Variants in PGLYRP4 observed in about 807,000 individuals in gnomAD.
PGLYRP4 encodes PGRP-I-beta.
In PGLYRP4, 39 loss-of-function variants were observed where a neutral mutation model predicts 41.2. The ratio of observed to expected loss-of-function variants is 0.95; its 90% confidence interval spans 0.73 to 1.24. The LOEUF (loss-of-function observed/expected upper bound fraction) is 1.24. Among genes scored for constraint, PGLYRP4 ranks in the 50% most tolerant of loss-of-function variants. The pLI is 0.00. For missense variants in PGLYRP4, 467 were observed against 460.7 expected, an observed-to-expected ratio of 1.01 and a Z score of -0.13; for synonymous variants, 202 against 186.8, an observed-to-expected ratio of 1.08 and a Z score of -0.66.
chr1:153,344,188 C>T (rs558935736), intron 4 of PGLYRP4, among the ~76,000 whole-genome samples: 28 of 152,326 alleles, frequency 1.8e-4, no homozygotes, highest in African/African-American at 6.5e-4. Flanking sequence ...GGCCAAAAGC[C>T]TCTCTCAGTT....
At position 153,340,369 on chromosome 1, in the gene PGLYRP4, A is replaced by G. The variant is rs1054835022; in HGVS notation, c.824+12T>C. 11 of 1,612,740 alleles carry G rather than the reference A, an allele frequency of 6.8e-6. No individual in the cohort carries two copies. Among genetic ancestry groups the G allele is most frequent in the Non-Finnish European group, 9.3e-6 (11 of 1,178,752 alleles). On this transcript the variant is annotated intron_variant, in intron 7 of 8. Transcript: ENST00000359650. Reference sequence around the variant, plus strand: ...AAGGGAAAAGAAGCCCAGTGTACCCAGACCCACTCACTTATAACCAATGTC... The same window carrying G: ...AAGGGAAAAGAAGCCCAGTGTACCCGGACCCACTCACTTATAACCAATGTC...
intron 6 of PGLYRP4, among the ~76,000 whole-genome samples, chr1:153,341,221 A>G (rs1242182246): frequency 6.6e-6 from 1 of 152,218 alleles, no homozygotes; most frequent in East Asian, 1.9e-4. Context: ...TTTTCTCCAT[A>G]TAACATCCCA....
At chr1:153,345,437 G>T in intron 3 of PGLYRP4, 55 bp from the exon 4 acceptor site, 1 of 1,503,364 alleles carries the variant, frequency 6.7e-7, no homozygotes, top group Non-Finnish European at 9.2e-7. Context: ...AGCCCGCCAA[G>T]CTGAACATGC....
At position 153,346,477 on chromosome 1, in the gene PGLYRP4, G is replaced by GAAA. The variant is rs1557832466; in HGVS notation, c.50-287_50-286insTTT. ...CTGTATCTACACACACAATTGGCGG[G>GAAA]GAAAAAAAAAAAACTAGAAATGTAT... On this transcript the variant is annotated intron_variant, in intron 2 of 8. Transcript: ENST00000359650. Among the ~76,000 whole-genome samples the GAAA allele has an allele frequency of 1.5e-4, 13 of 87,906 alleles. No individual in the cohort carries two copies. In the East Asian group the frequency reaches 3.7e-3, roughly 25 times the overall value. The allele number at this position is 87,906 out of a possible 152,430, so 57.7% of individuals were successfully genotyped here.
rs1191064380 is a variant in PGLYRP4 at position 153,330,777 on chromosome 1, A to G, written c.1112T>C (p.Phe371Ser). 5.6e-6 allele frequency: 9 copies of G among 1,613,108 alleles called. No individual in the cohort carries two copies. Among genetic ancestry groups the G allele is most frequent in the Non-Finnish European group, 7.6e-6 (9 of 1,179,292 alleles). The part of the protein sequence containing the change: ...LYNIISTWPH[F>S]KH ...GACCTGGGGCTTCTCTCAGTGTTTG[A>G]AATGAGGCCAGGTGCTGATGATGTT... Residue 371 changes from phenylalanine to serine, a missense_variant, in exon 9 of 9, where the codon TTC becomes TCC. Transcript: ENST00000359650.
Position 153,340,584 on chromosome 1 carries a change from G to A in PGLYRP4, c.626-5C>T, listed in dbSNP as rs1187284738. 1 of 1,613,244 alleles carries A rather than the reference G, an allele frequency of 6.2e-7. No individual in the cohort carries two copies. The stretch of plus-strand genomic sequence containing the variant: ...GTGGGACAACGCCGGGGCAAGCTGA[G>A]GTGGGGCGAGAAACCACAGAGGGTT... On this transcript the variant is annotated splice_polypyrimidine_tract_variant and splice_region_variant and intron_variant, in intron 6 of 8. Coordinates refer to ENST00000359650, the MANE Select transcript of PGLYRP4 (RefSeq NM_020393.4).
At chr1:153,338,148 G>T (rs1390856210) in intron 7 of PGLYRP4, among the ~76,000 whole-genome samples, 1 of 152,174 alleles carries the variant, frequency 6.6e-6, no homozygotes, top group African/African-American at 2.4e-5. Flanking sequence ...CCATCTTGGT[G>T]AAAGGCATGG....
Position 153,340,387 on chromosome 1 carries a change from C to T in PGLYRP4, c.818G>A (p.Gly273Asp). 1 of 1,614,082 alleles carries T rather than the reference C, an allele frequency of 6.2e-7. No individual in the cohort carries two copies. The highest frequency in any genetic ancestry group is 8.5e-7 in the Non-Finnish European group (1 of 1,179,944). ...TGTACCCAGACCCACTCACTTATAA[C>T]CAATGTCGCATGACTTGAGCCTGTC... ...YIDRLKSCDI[G>D]YNFLVGQDGA... The change falls in exon 7 of 9, where the codon GGT becomes GAT. Residue 273 changes from glycine (G) to aspartate (D), a missense_variant. Transcript: ENST00000359650.
At position 153,337,183 on chromosome 1, in the gene PGLYRP4, G is replaced by C. The variant is rs992043275; in HGVS notation, c.941C>G (p.Thr314Arg). The C allele has an allele frequency of 6.3e-7, 1 of 1,599,070 alleles. No homozygotes were observed. Among genetic ancestry groups the C allele is most frequent in the Admixed American group, 1.7e-5 (1 of 59,972 alleles). ...TACTGACCAAAGCATCCACTTACCT[G>C]TGAAGGTGCCCATGAAGGTAATGCC... Reference protein sequence around the residue: ...ALGITFMGTFTGIPPNAAALE... With the variant: ...ALGITFMGTFRGIPPNAAALE... The change falls in exon 8 of 9, where the codon ACA (threonine) becomes AGA (arginine). Residue 314 changes from threonine (T) to arginine (R), a missense_variant and splice_region_variant. Transcript: ENST00000359650.
intron 5 of PGLYRP4, 63 bp from the exon 6 acceptor site, chr1:153,341,842 AAGG>A (rs1335189513): frequency 6.5e-7 from 1 of 1,529,784 alleles, no homozygotes; most frequent in South Asian, 1.2e-5. Context: ...TCTTTTGGGG[AAGG>A]AGAAGATGCT....
At chr1:153,339,556 G>T (rs1291517775) in intron 7 of PGLYRP4, among the ~76,000 whole-genome samples, 1 of 152,156 alleles carries the variant, frequency 6.6e-6, no homozygotes, top group Non-Finnish European at 1.5e-5. Context: ...TTAAAATTTA[G>T]TGTGAATTTT....
chr1:153,340,048 A>G (rs1418799187), intron 7 of PGLYRP4, among the ~76,000 whole-genome samples: 1 of 152,192 alleles, frequency 6.6e-6, no homozygotes, highest in Non-Finnish European at 1.5e-5. Context: ...AACAAAGCAC[A>G]ATCTTTCGAT....
chr1:153,347,823 A>G lies in PGLYRP4; in HGVS notation c.49+61T>C, dbSNP rs372891542. 7.2e-5 allele frequency: 92 copies of G among 1,281,152 alleles called. 1 individual carries two copies. In the East Asian group the frequency reaches 9.0e-4, roughly 12 times the overall value. 79.4% of individuals were successfully genotyped at this position (1,281,152 alleles called of 1,614,324 possible). On this transcript the variant is annotated intron_variant, in intron 2 of 8. Transcript: ENST00000359650. Reference sequence around the variant, plus strand: ...GGACAGTAGGTATTTTTTAATTCCTATTATGAGACTTTAGGATCACCCTTC... The same window carrying G: ...GGACAGTAGGTATTTTTTAATTCCTGTTATGAGACTTTAGGATCACCCTTC...
intron 6 of PGLYRP4, among the ~76,000 whole-genome samples, chr1:153,340,905 CT>C (rs1410748878): frequency 4.6e-5 from 7 of 152,186 alleles, no homozygotes; most frequent in Non-Finnish European, 8.8e-5. Flanking sequence ...AGAGATGAAT[CT>C]TCTTTCAATC....
intron 4 of PGLYRP4, among the ~76,000 whole-genome samples, chr1:153,343,654 T>C (rs1018877616): frequency 2.6e-5 from 4 of 152,154 alleles, no homozygotes; most frequent in Non-Finnish European, 4.4e-5. Context: ...TCCCAAGAAA[T>C]AGCTCCTGAG....
At position 153,340,480 on chromosome 1, in the gene PGLYRP4, G is replaced by A. The variant is rs756580924; in HGVS notation, c.725C>T (p.Ala242Val). 6 of 1,614,174 alleles carry A rather than the reference G, an allele frequency of 3.7e-6. No homozygotes were observed. The highest frequency in any genetic ancestry group is 5.1e-6 in the Non-Finnish European group (6 of 1,180,018). Residue 242 changes from alanine to valine, a missense_variant, in exon 7 of 9, where the codon GCC becomes GTC. By Grantham distance (64) the Ala-to-Val change is moderately conservative (BLOSUM62 0). Transcript: ENST00000359650. ...ATCAGAAATGTTGCAGGTCCTCCCG[G>A]CAGTGTGGATAATGATGCCATACTT... Reference protein sequence around the residue: ...PAKYGIIIHTAGRTCNISDEC... With the variant: ...PAKYGIIIHTVGRTCNISDEC...
intron 8 of PGLYRP4, among the ~76,000 whole-genome samples, chr1:153,333,894 A>C (rs2101551066): frequency 6.6e-6 from 1 of 152,344 alleles, no homozygotes; most frequent in Middle Eastern, 3.4e-3. Context: ...CAAACTAGGC[A>C]TCAAAAGAAC....
chr1:153,346,971 G>C (rs995682015), intron 2 of PGLYRP4, among the ~76,000 whole-genome samples: 1 of 152,212 alleles, frequency 6.6e-6, no homozygotes, highest in African/African-American at 2.4e-5. Context: ...GCGAGGACTT[G>C]AATCCAGGTC....
intron 4 of PGLYRP4, among the ~76,000 whole-genome samples, chr1:153,343,414 C>T (rs139238815): frequency 1.3e-5 from 2 of 152,192 alleles, no homozygotes; most frequent in Non-Finnish European, 2.9e-5. Context: ...ACACTCCCTA[C>T]CCCCTTCCCT....
Sources: gnomAD v4.1 joint callset for allele counts (sites outside exome capture counted in the v4.1 genomes callset) on GRCh38, gnomAD v4.1.1 for gene constraint, MANE v1.5 for transcripts, NCBI Gene and HGNC (gene_info 2026-07-23, HGNC 2026-07-21) for gene names.